TXNDC8: variants seen among roughly 807,000 people sequenced by gnomAD.
TXNDC8 encodes thioredoxin domain containing 8.
TXNDC8 carries 15 observed loss-of-function variants against 12.9 expected under a neutral mutation model. The observed-to-expected ratio is 1.16, with a 90% CI of 0.78 to 1.79. The LOEUF (loss-of-function observed/expected upper bound fraction) is 1.79. TXNDC8 is among the 40% of genes most tolerant of loss of function. TXNDC8 has a pLI of 0.00. For synonymous variants in TXNDC8, 40 were observed against 35.4 expected (o/e 1.13, Z -0.46); for missense variants, 128 against 113.2 (o/e 1.13, Z -0.59).
intron 2 of TXNDC8, among the ~76,000 whole-genome samples, chr9:110,333,197 A>G: frequency 6.6e-6 from 1 of 152,138 alleles, no homozygotes; most frequent in Non-Finnish European, 1.5e-5. Context: ...CCTGTTAGGA[A>G]CCAGGCTGCA....
At chr9:110,321,724 G>GGAAA (rs368616000) in intron 3 of TXNDC8, among the ~76,000 whole-genome samples, 2 of 141,790 alleles carry the variant, frequency 1.4e-5, no homozygotes, top group Non-Finnish European at 3.1e-5. Context: ...TCAGTTCTAT[G>GGAAA]AAAAAAAAAA....
At chr9:110,321,523 T>C (rs1461847662) in intron 3 of TXNDC8, among the ~76,000 whole-genome samples, 3 of 152,226 alleles carry the variant, frequency 2.0e-5, no homozygotes, top group Admixed American at 6.5e-5. Flanking sequence ...TAATAGGAAC[T>C]GAACTCTAGG....
intron 3 of TXNDC8, among the ~76,000 whole-genome samples, chr9:110,311,557 A>ATATATATT (rs1554702019): frequency 2.4e-5 from 3 of 125,930 alleles, no homozygotes; most frequent in Non-Finnish European, 5.0e-5. Context: ...ATATATATAT[A>ATATATATT]TCTCCATACT....
chr9:110,330,635 G>T (rs1289095797), intron 2 of TXNDC8, among the ~76,000 whole-genome samples: 1 of 152,154 alleles, frequency 6.6e-6, no homozygotes, highest in Non-Finnish European at 1.5e-5. Flanking sequence ...CTTAGCCCAG[G>T]ATCAGCAAAC....
chr9:110,337,062 T>C (rs1191559029), intron 1 of TXNDC8, among the ~76,000 whole-genome samples: 2 of 152,232 alleles, frequency 1.3e-5, no homozygotes, highest in Non-Finnish European at 2.9e-5. Context: ...TTCAATCTGG[T>C]CAGTGTCATT....
rs190113308 is a variant in TXNDC8, at chr9:110,320,985, C to T, written c.195+5190G>A. ...ACTTCAGCCACTGCTTATATTGCAT[C>T]CCTGCCAGATGTTCATTCAATCTCT... On this transcript the variant is annotated intron_variant, in intron 3 of 4. Coordinates refer to ENST00000423740, the MANE Select transcript of TXNDC8 (RefSeq NM_001286946.2). Among the ~76,000 whole-genome samples, 1,137 of 152,346 alleles carry T rather than the reference C, an allele frequency of 7.5e-3. 9 individuals are homozygous for T. The highest frequency in any genetic ancestry group is 0.013 in the Non-Finnish European group (895 of 68,038).
At chr9:110,337,748 T>G in intron 1 of TXNDC8, 25 bp downstream of exon 1, 1 of 1,612,190 alleles carries the variant, frequency 6.2e-7, no homozygotes, top group Non-Finnish European at 8.5e-7. Flanking sequence ...TTTGAAATAC[T>G]CAGTGAAGCC....
intron 3 of TXNDC8, among the ~76,000 whole-genome samples, chr9:110,322,165 G>A (rs1407982808): frequency 6.9e-6 from 1 of 145,052 alleles, no homozygotes; most frequent in Non-Finnish European, 1.5e-5. Flanking sequence ...TTTGTATAAT[G>A]TGACATAAAT....
chr9:110,324,999 C>G (rs1839249185), intron 3 of TXNDC8, among the ~76,000 whole-genome samples: 1 of 152,234 alleles, frequency 6.6e-6, no homozygotes, highest in Admixed American at 6.5e-5. Context: ...GTAATCCCAG[C>G]TACTCGGGAG....
chr9:110,327,054 C>T (rs534399958), intron 2 of TXNDC8, among the ~76,000 whole-genome samples: 7 of 152,036 alleles, frequency 4.6e-5, no homozygotes, highest in Non-Finnish European at 8.8e-5. Context: ...TAGACAATTA[C>T]GCATTTTGTT....
chr9:110,314,463 C>G (rs1838804971), intron 3 of TXNDC8, among the ~76,000 whole-genome samples: 1 of 138,670 alleles, frequency 7.2e-6, no homozygotes, highest in Admixed American at 7.8e-5. Flanking sequence ...GATGGAGTCT[C>G]GCTCTGTCAC....
At position 110,315,983 on chromosome 9, in the gene TXNDC8, C is replaced by T. The variant is rs528965209; in HGVS notation, c.195+10192G>A. Among the ~76,000 whole-genome samples the T allele has an allele frequency of 1.4e-4, 21 of 152,020 alleles. No individual in the cohort carries two copies. The South Asian group carries it at 4.3e-3, about 31-fold the overall frequency. ...TATGATCTTGGCTCACTGCAACCTC[C>T]GCCTCCCGGGTCCAGGTGGTTCTCC... On this transcript the variant is annotated intron_variant, in intron 3 of 4. Coordinates refer to ENST00000423740, the MANE Select transcript of TXNDC8 (RefSeq NM_001286946.2).
At chr9:110,333,581 TACAC>T (rs989276639) in intron 2 of TXNDC8, among the ~76,000 whole-genome samples, 4 of 151,096 alleles carry the variant, frequency 2.6e-5, no homozygotes, top group South Asian at 4.2e-4. Context: ...TTATCACACA[TACAC>T]ACACACACAA....
intron 3 of TXNDC8, among the ~76,000 whole-genome samples, chr9:110,318,064 A>G (rs1046644173): frequency 1.3e-5 from 2 of 152,188 alleles, no homozygotes; most frequent in African/African-American, 4.8e-5. Flanking sequence ...TTGTGTAGCA[A>G]TGGTTGCACA....
At chr9:110,329,604 GA>G (rs1839474527) in intron 2 of TXNDC8, among the ~76,000 whole-genome samples, 1 of 152,202 alleles carries the variant, frequency 6.6e-6, no homozygotes, top group Admixed American at 6.5e-5. Flanking sequence ...TGGGGTGGAG[GA>G]AGGGATAGTA....
At chr9:110,332,853 A>C (rs1228475708) in intron 2 of TXNDC8, among the ~76,000 whole-genome samples, 2 of 152,242 alleles carry the variant, frequency 1.3e-5, no homozygotes, top group African/African-American at 4.8e-5. Context: ...ATATGATTAC[A>C]ACTCACTAGA....
At chr9:110,302,583 C>T (rs1178186360), downstream of TXNDC8, among the ~76,000 whole-genome samples, 3 of 134,332 alleles carry the variant, frequency 2.2e-5, no homozygotes, top group Admixed American at 7.4e-5. Context: ...ACAATTAGTA[C>T]GGTACAGAAG....
chr9:110,314,425 C>CTTTTTCT, intron 3 of TXNDC8, among the ~76,000 whole-genome samples: 1 of 142,964 alleles, frequency 7.0e-6, no homozygotes, highest in African/African-American at 2.7e-5. Context: ...TTTTCTTTTT[C>CTTTTTCT]TTTTTCTTTT....
At chr9:110,313,148 T>C (rs1649851154) in intron 3 of TXNDC8, among the ~76,000 whole-genome samples, 1 of 152,096 alleles carries the variant, frequency 6.6e-6, no homozygotes, top group South Asian at 2.1e-4. Context: ...TCAGGTGATG[T>C]GCTCACCTTG....
Sources: allele counts gnomAD v4.1 joint callset (sites outside exome capture counted in the v4.1 genomes callset), GRCh38; gene constraint gnomAD v4.1.1; transcripts MANE v1.5; gene names NCBI Gene and HGNC (gene_info 2026-07-23, HGNC 2026-07-21).